UBE4A: variants seen among roughly 807,000 people sequenced by gnomAD.
UBE4A encodes the protein ubiquitin conjugation factor E4 A.
Under a neutral mutation model 117.9 loss-of-function variants are expected in UBE4A, and 48 were observed. The ratio of observed to expected loss-of-function variants is 0.41; its 90% CI spans 0.32 to 0.52. The LOEUF (loss-of-function observed/expected upper bound fraction) is 0.52, where lower values mean the gene tolerates loss of function less well. Among genes scored for constraint, UBE4A ranks in the 20% least tolerant of loss-of-function variants. The pLI is 0.33. For missense variants in UBE4A, 1,067 were observed against 1,296.3 expected, an observed-to-expected ratio of 0.82 and a Z score of 2.72; for synonymous variants, 407 against 450.0, an observed-to-expected ratio of 0.90 and a Z score of 1.21.
chr11:118,380,117 GT>G (rs1555126043), intron 11 of UBE4A, among the ~76,000 whole-genome samples: 1 of 64,878 alleles, frequency 1.5e-5, no homozygotes, highest in African/African-American at 5.8e-5. Context: ...AAGGGAAAGA[GT>G]GTGTGTGTGT....
chr11:118,385,105 G>C (rs1296827548), intron 15 of UBE4A, among the ~76,000 whole-genome samples, 160 bp downstream of exon 15: 1 of 152,084 alleles, frequency 6.6e-6, no homozygotes, highest in Non-Finnish European at 1.5e-5. Context: ...CACCAAGCTT[G>C]TCATTATAGA....
intron 6 of UBE4A, 29 bp from the exon 7 acceptor site, chr11:118,373,057 T>C: frequency 6.2e-7 from 1 of 1,603,250 alleles, no homozygotes; most frequent in East Asian, 2.2e-5. Context: ...TCTTGTGCCC[T>C]CCTTTCTCTC....
At chr11:118,376,513 G>A in intron 9 of UBE4A, 61 bp from the exon 10 acceptor site, 2 of 1,591,272 alleles carry the variant, frequency 1.3e-6, no homozygotes, top group East Asian at 2.2e-5. Context: ...AATTGAATGA[G>A]TGTAAGAGGA....
In UBE4A at chr11:118,396,474, A is replaced by G. The variant is rs115395500; in HGVS notation, c.*34A>G. The G allele has an allele frequency of 9.0e-4, 1,424 of 1,584,732 alleles. 8 individuals carry two copies. In the African/African-American group the frequency reaches 0.017, roughly 19 times the overall value. ...AACTAACCAAACCAAAACCAACCCC[A>G]GAGTGCAGATAAACAATTGTTTGTG... is the stretch of plus-strand genomic sequence containing the variant. On this transcript the variant is annotated 3_prime_UTR_variant, in exon 20 of 20. Transcript: ENST00000252108.
In UBE4A at chr11:118,368,719, C is replaced by T; in HGVS notation, c.210C>T (p.Arg70=). Residue 70 remains arginine, a synonymous_variant, in exon 3 of 20, where the codon CGC becomes CGT. Transcript: ENST00000252108. ...EFDYSVAEIS[R]SFRSQQEICE... ...ATTACTCTGTGGCTGAGATTAGCCGCTCATTCCGATCACAGCAGGAAATAT... is the reference window on the plus strand; with the variant it reads ...ATTACTCTGTGGCTGAGATTAGCCGTTCATTCCGATCACAGCAGGAAATAT... 1.9e-6 allele frequency: 3 copies of T among 1,614,220 alleles called. No individual in the cohort carries two copies. The highest frequency in any genetic ancestry group is 2.5e-6 in the Non-Finnish European group (3 of 1,180,028).
chr11:118,379,415 G>C (rs1469503852), intron 10 of UBE4A, 31 bp from the exon 11 acceptor site: 2 of 1,597,296 alleles, frequency 1.3e-6, no homozygotes, highest in African/African-American at 1.3e-5. Context: ...TGTTTTCCCT[G>C]ACCCAGTCTC....
chr11:118,394,772 CA>C (rs201405273), intron 19 of UBE4A, among the ~76,000 whole-genome samples: 1,188 of 105,522 alleles, frequency 0.011, 6 homozygotes, highest in African/African-American at 0.025. Flanking sequence ...AGACTCGTCT[CA>C]AAAAAAAAAA....
At position 118,399,024 on chromosome 11, in the gene UBE4A, A is replaced by G. The variant is rs1457941302; in HGVS notation, c.*2584A>G. On this transcript the variant is annotated 3_prime_UTR_variant, in exon 20 of 20. Transcript: ENST00000252108. The stretch of plus-strand genomic sequence containing the variant: ...TGCACTGTTGATGTCATGTGAGGAA[A>G]TAATGCACATGCTCTAACTGCTCAA... 8.8e-6 allele frequency: 4 copies of G among 456,498 alleles called. No homozygotes were observed. The highest frequency in any genetic ancestry group is 4.0e-5 in the African/African-American group (2 of 50,090). The allele number at this position is 456,498 out of a possible 1,614,324, so 28.3% of individuals were successfully genotyped here.
At chr11:118,362,952 G>A (rs1170897496) in intron 1 of UBE4A, among the ~76,000 whole-genome samples, 1 of 152,182 alleles carries the variant, frequency 6.6e-6, no homozygotes, top group Non-Finnish European at 1.5e-5. Context: ...CTTCTGGATT[G>A]AGTGGAGTGG....
At chr11:118,376,398 T>G (rs1948652654) in intron 9 of UBE4A, among the ~76,000 whole-genome samples, 176 bp from the exon 10 acceptor site, 1 of 152,226 alleles carries the variant, frequency 6.6e-6, no homozygotes, top group African/African-American at 2.4e-5. Context: ...TGAAAAAGAT[T>G]TAACTGTATT....
At chr11:118,379,279 G>T (rs1239915364) in intron 10 of UBE4A, among the ~76,000 whole-genome samples, 167 bp from the exon 11 acceptor site, 1 of 152,162 alleles carries the variant, frequency 6.6e-6, no homozygotes, top group East Asian at 1.9e-4. Flanking sequence ...CCATTGCTGT[G>T]CACCCTGCCT....
At chr11:118,375,274 G>GTT (rs1565532682) in intron 9 of UBE4A, 45 bp downstream of exon 9, 1 of 1,468,930 alleles carries the variant, frequency 6.8e-7, no homozygotes, top group Non-Finnish European at 9.2e-7. Context: ...GTGTGTGTGT[G>GTT]TAACGTGTAA....
At chr11:118,367,071 G>A (rs1335524359) in intron 2 of UBE4A, among the ~76,000 whole-genome samples, 1 of 152,104 alleles carries the variant, frequency 6.6e-6, no homozygotes, top group Non-Finnish European at 1.5e-5. Context: ...GGGCGTGGTG[G>A]TGGGCGCCTG....
At chr11:118,373,456 C>T in intron 7 of UBE4A, 38 bp from the exon 8 acceptor site, 1 of 1,587,092 alleles carries the variant, frequency 6.3e-7, no homozygotes, top group South Asian at 1.1e-5. Context: ...CTTATCTCAC[C>T]ATGAAGATGA....
intron 17 of UBE4A, among the ~76,000 whole-genome samples, 195 bp from the exon 18 acceptor site, chr11:118,390,462 T>G (rs899998082): frequency 4.1e-5 from 6 of 146,114 alleles, no homozygotes; most frequent in Non-Finnish European, 6.0e-5. Context: ...TATATTATAT[T>G]TTATTATTAT....
intron 10 of UBE4A, among the ~76,000 whole-genome samples, chr11:118,376,963 G>A (rs1349523919): frequency 1.3e-5 from 2 of 151,992 alleles, no homozygotes; most frequent in Non-Finnish European, 2.9e-5. Context: ...TGAGGCAGGA[G>A]GATTGCTCTA....
At position 118,369,674 on chromosome 11, in the gene UBE4A, A is replaced by C. The variant is rs551935664; in HGVS notation, c.408+139A>C. ...TTTTTTTTTTTTTTTTTACCAGTAG[A>C]AGGCCAAGTAACCTGGATGTGCATC... On this transcript the variant is annotated intron_variant, in intron 4 of 19. Transcript: ENST00000252108. The C allele has an allele frequency of 4.3e-3, 2,599 of 610,004 alleles. 11 individuals carry two copies. The highest frequency in any genetic ancestry group is 7.3e-3 in the Middle Eastern group (18 of 2,476). 37.8% of individuals were successfully genotyped at this position (610,004 alleles called of 1,614,324 possible).
intron 16 of UBE4A, 25 bp from the exon 17 acceptor site, chr11:118,389,700 T>G: frequency 6.4e-7 from 1 of 1,562,366 alleles, no homozygotes; most frequent in Non-Finnish European, 8.7e-7. Flanking sequence ...GATTGAGTTT[T>G]CAGAGACTTT....
At chr11:118,366,943 C>T (rs1392774310) in intron 2 of UBE4A, among the ~76,000 whole-genome samples, 2 of 152,184 alleles carry the variant, frequency 1.3e-5, no homozygotes, top group Non-Finnish European at 2.9e-5. Flanking sequence ...ATGACAGGCG[C>T]CTATAATCCC....
Sources: gnomAD v4.1 joint callset for allele counts (sites outside exome capture counted in the v4.1 genomes callset) on GRCh38, gnomAD v4.1.1 for gene constraint, MANE v1.5 for transcripts, NCBI Gene and HGNC (gene_info 2026-07-23, HGNC 2026-07-21) for gene names.